USP40: variants seen among roughly 807,000 people sequenced by gnomAD.
USP40 encodes ubiquitin specific peptidase 40, also known as ubiquitin carboxyl-terminal hydrolase 40.
USP40 carries 143 observed loss-of-function variants against 166.2 expected under a neutral mutation model. The ratio of observed to expected loss-of-function variants is 0.86; its 90% CI spans 0.75 to 0.99. The LOEUF (loss-of-function observed/expected upper bound fraction) is 0.99, where lower values mean the gene tolerates loss of function less well. Ranked by LOEUF, USP40 falls within the 50% of genes least tolerant of loss-of-function variation. The pLI is 0.00. For synonymous variants in USP40, 498 were observed against 524.0 expected, an observed-to-expected ratio of 0.95 and a Z score of 0.68; for missense variants, 1,444 against 1,479.7, an observed-to-expected ratio of 0.98 and a Z score of 0.40.
intron 21 of USP40, among the ~76,000 whole-genome samples, chr2:233,507,673 C>T (rs1043435567): frequency 3.4e-5 from 5 of 149,004 alleles, no homozygotes; most frequent in Non-Finnish European, 5.9e-5. Flanking sequence ...ACAGCAGTTA[C>T]TAGTGACTGA....
chr2:233,512,502 G>T, intron 19 of USP40, 67 bp downstream of exon 19: 1 of 1,087,516 alleles, frequency 9.2e-7, no homozygotes, highest in Non-Finnish European at 1.3e-6. Context: ...AGGTATTGGA[G>T]GCCACTATTT....
chr2:233,481,875 C>T (rs936014667), intron 30 of USP40, among the ~76,000 whole-genome samples: 2 of 152,190 alleles, frequency 1.3e-5, no homozygotes, highest in Admixed American at 6.5e-5. Context: ...ATGTTATTTC[C>T]GTAAATGCTG....
rs767369985 is a variant in USP40, at chr2:233,477,483, T to G, written c.3620A>C (p.Gln1207Pro). 3.1e-6 allele frequency: 5 copies of G among 1,613,668 alleles called. No individual in the cohort carries two copies. The highest frequency in any genetic ancestry group is 4.2e-6 in the Non-Finnish European group (5 of 1,179,814). ...RRKSQEALHE[Q>P]SSYILSSAET... is the part of the protein sequence containing the mutation. ...TGCACTGGAGAGGATGTAGCTGCTC[T>G]GCTCATGGAGGGCTTCTTGGCTGCA... The change falls in exon 32 of 32, where the codon CAG becomes CCG. Residue 1207 changes from glutamine to proline, a missense_variant. Coordinates refer to ENST00000678225, the MANE Select transcript of USP40 (RefSeq NM_001365479.2).
chr2:233,557,944 G>A (rs1455883747), intron 4 of USP40, among the ~76,000 whole-genome samples: 3 of 142,620 alleles, frequency 2.1e-5, no homozygotes, highest in African/African-American at 5.2e-5. Flanking sequence ...ACCCAGGGCT[G>A]CAGTGAGCTA....
rs1029324577 is a variant in USP40, at chr2:233,527,586, G to A, written c.1554-8C>T. ...GCAGAATCACATTCTGCCCTTTAAA[G>A]AGGCACAAAAATACATAAATACTGT... On this transcript the variant is annotated splice_region_variant and splice_polypyrimidine_tract_variant and intron_variant, in intron 12 of 31. Coordinates refer to ENST00000678225, the MANE Select transcript of USP40 (RefSeq NM_001365479.2). The A allele has an allele frequency of 2.5e-6, 4 of 1,593,144 alleles. No homozygotes were observed. The highest frequency in any genetic ancestry group is 1.4e-5 in the African/African-American group (1 of 73,750).
chr2:233,481,804 A>C (rs1481849390), intron 30 of USP40, among the ~76,000 whole-genome samples: 1 of 152,230 alleles, frequency 6.6e-6, no homozygotes, highest in East Asian at 1.9e-4. Context: ...TGCTCCCTGC[A>C]TTCCCGTGAC....
intron 18 of USP40, among the ~76,000 whole-genome samples, chr2:233,517,783 T>G (rs1436835214): frequency 4.1e-5 from 1 of 24,550 alleles, no homozygotes; most frequent in Non-Finnish European, 9.3e-5. Context: ...GAAACTGTGG[T>G]GTGTGTGTGT....
At chr2:233,497,639 G>A (rs570465713) in intron 23 of USP40, among the ~76,000 whole-genome samples, 1 of 152,234 alleles carries the variant, frequency 6.6e-6, no homozygotes, top group East Asian at 1.9e-4. Flanking sequence ...GCTTCTGGCT[G>A]AATTCTTTGA....
At chr2:233,512,849 T>C (rs1354976699) in intron 18 of USP40, 1 of 258,952 alleles carries the variant, frequency 3.9e-6, no homozygotes, top group Non-Finnish European at 7.3e-6. Context: ...AGGCAGTCTT[T>C]GTTTTGTGCA....
Position 233,551,435 on chromosome 2 carries a change from T to C in USP40, c.778A>G (p.Lys260Glu). 1 of 1,613,048 alleles carries C rather than the reference T, an allele frequency of 6.2e-7. No individual in the cohort carries two copies. Among genetic ancestry groups the C allele is most frequent in the Non-Finnish European group, 8.5e-7 (1 of 1,179,514 alleles). ...NFDFVKCERY[K>E]ETSCYTFPLR... is the part of the protein sequence containing the mutation. Reference sequence around the variant, plus strand: ...GGGAATGTATAACAGCTAGTTTCCTTGTAGCGTTCGCATTTCACAAAATCA... The same window carrying C: ...GGGAATGTATAACAGCTAGTTTCCTCGTAGCGTTCGCATTTCACAAAATCA... The change falls in exon 7 of 32, where the codon AAG becomes GAG. Residue 260 changes from lysine (K) to glutamate (E), a missense_variant. By Grantham distance (56) the Lys-to-Glu change is moderately conservative. Coordinates refer to ENST00000678225, the MANE Select transcript of USP40 (RefSeq NM_001365479.2).
chr2:233,508,666 A>G (rs79873966), intron 21 of USP40, among the ~76,000 whole-genome samples: 1,939 of 152,240 alleles, frequency 0.013, 38 homozygotes, highest in East Asian at 0.084. Flanking sequence ...AAATTCTAAA[A>G]TGCCTTCATT....
intron 21 of USP40, among the ~76,000 whole-genome samples, chr2:233,509,838 TAAA>T (rs746629187): frequency 2.1e-4 from 17 of 80,816 alleles, no homozygotes; most frequent in African/African-American, 5.7e-4. Flanking sequence ...TGAGACTCTC[TAAA>T]AAAAAAAAAA....
At chr2:233,488,338 AC>A in intron 27 of USP40, 34 bp from the exon 28 acceptor site, 1 of 1,513,688 alleles carries the variant, frequency 6.6e-7, no homozygotes, top group Non-Finnish European at 8.9e-7. Flanking sequence ...ATATTGAGTG[AC>A]ATAACATTTA....
At chr2:233,482,555 G>C (rs940595219) in intron 30 of USP40, among the ~76,000 whole-genome samples, 3 of 151,144 alleles carry the variant, frequency 2.0e-5, no homozygotes, top group Non-Finnish European at 4.4e-5. Flanking sequence ...CTCCAGAGTA[G>C]CTGTACCAAC....
chr2:233,512,596 C>A lies in USP40; in HGVS notation c.2410G>T (p.Asp804Tyr). 6.3e-7 allele frequency: 1 copy of A among 1,582,938 alleles called. No individual in the cohort carries two copies. Among genetic ancestry groups the A allele is most frequent in the South Asian group, 1.2e-5 (1 of 84,804 alleles). The change falls in exon 19 of 32, where the codon GAT becomes TAT. Residue 804 changes from aspartate to tyrosine, a missense_variant. Coordinates refer to ENST00000678225, the MANE Select transcript of USP40 (RefSeq NM_001365479.2). ...LADNSCLRPI[D>Y]RNGKLLCPVP... is the part of the protein sequence containing the mutation. ...GGACAAAGAAGCTTCCCATTTCTAT[C>A]AATAGGTCTCAAACAGCTGTTGTCA...
chr2:233,495,739 C>T (rs1391727642), intron 24 of USP40, among the ~76,000 whole-genome samples: 2 of 152,136 alleles, frequency 1.3e-5, no homozygotes, highest in Non-Finnish European at 2.9e-5. Context: ...GACCCAGAGA[C>T]AGTAGGGACA....
In USP40 at chr2:233,491,273, C is replaced by T. The variant is rs750342299; in HGVS notation, c.2918-12G>A. ...GTTCCCAGAAGCACCTTCCAAAGGA[C>T]AGAGCGGGATGTTTACAAGGAACTT... On this transcript the variant is annotated splice_polypyrimidine_tract_variant and intron_variant, in intron 25 of 31. Transcript: ENST00000678225. The T allele has an allele frequency of 1.9e-6, 3 of 1,593,624 alleles. No individual in the cohort carries two copies. Among genetic ancestry groups the T allele is most frequent in the East Asian group, 2.2e-5 (1 of 44,688 alleles).
chr2:233,564,050 A>C lies in USP40; in HGVS notation c.200-1247T>G, dbSNP rs144348956. ...AGTGCTGGCAATTTTTACTGGTGGA[A>C]TTACTGATTGCATCAGGGAGATATT... is the stretch of plus-strand genomic sequence containing the variant. On this transcript the variant is annotated intron_variant, in intron 2 of 31. Coordinates refer to ENST00000678225, the MANE Select transcript of USP40 (RefSeq NM_001365479.2). Among the ~76,000 whole-genome samples the C allele has an allele frequency of 8.5e-4, 130 of 152,314 alleles. 1 individual carries two copies. Among genetic ancestry groups the C allele is most frequent in the African/African-American group, 3.1e-3 (128 of 41,558 alleles).
At position 233,488,237 on chromosome 2, in the gene USP40, A is replaced by AC; in HGVS notation, c.3197+1dup. On this transcript the variant is annotated splice_donor_variant, in intron 28 of 31. Transcript: ENST00000678225. LOFTEE classifies it high-confidence loss of function. ...CTTCAGATGCACAGGAGAATTTCTT[A>AC]CCCCAAGTTTTCGCCTTTCTGAAGG... 1 of 1,601,232 alleles carries AC rather than the reference A, an allele frequency of 6.2e-7. No individual in the cohort carries two copies.
Sources: allele counts gnomAD v4.1 joint callset (sites outside exome capture counted in the v4.1 genomes callset), GRCh38; gene constraint gnomAD v4.1.1; transcripts MANE v1.5; gene names NCBI Gene and HGNC (gene_info 2026-07-23, HGNC 2026-07-21).